Variants in WASHC2C observed in about 807,000 individuals in gnomAD.
WASHC2C encodes Vaccinia Penetration Factor.
WASHC2C carries 73 observed loss-of-function variants against 142.2 expected under a neutral mutation model. The ratio of observed to expected loss-of-function variants is 0.51; its 90% CI spans 0.43 to 0.62. WASHC2C has a LOEUF of 0.62. Among genes scored for constraint, WASHC2C ranks in the 20% least tolerant of loss-of-function variants. The pLI, the probability that WASHC2C is intolerant of heterozygous loss-of-function variation, is 0.00. For missense variants in WASHC2C, 969 were observed against 1,531.7 expected (o/e 0.63, Z 6.13); for synonymous variants, 337 against 565.5 (o/e 0.60, Z 5.73).
At chr10:45,789,535 A>G in intron 29 of WASHC2C, 44 bp downstream of exon 29, 2 of 1,611,110 alleles carry the variant, frequency 1.2e-6, no homozygotes, top group Non-Finnish European at 8.5e-7. Flanking sequence ...TAAGTTAAGG[A>G]AGGTATCTGA....
chr10:45,730,179 T>C (rs1244971709), intron 3 of WASHC2C, among the ~76,000 whole-genome samples: 1 of 127,588 alleles, frequency 7.8e-6, no homozygotes, highest in East Asian at 2.3e-4. Context: ...ACCCCGTCTC[T>C]ACTAAAAAAA....
intron 19 of WASHC2C, 114 bp from the exon 20 acceptor site, chr10:45,769,335 G>A: frequency 1.4e-6 from 2 of 1,444,034 alleles, no homozygotes; most frequent in East Asian, 2.7e-5. Flanking sequence ...AGCAAGGATG[G>A]TCTTGATCTG....
At chr10:45,731,489 C>T (rs1340915216) in intron 3 of WASHC2C, among the ~76,000 whole-genome samples, 4 of 145,578 alleles carry the variant, frequency 2.7e-5, no homozygotes, top group African/African-American at 5.2e-5. Flanking sequence ...CTCCGCCTCC[C>T]GGGTTCAAGC....
Position 45,741,846 on chromosome 10 carries a change from T to C in WASHC2C, c.529-1544T>C, listed in dbSNP as rs2052100750. ...AGAGTTTCACTCTTGTTGCCCAAGC[T>C]GGAGTGGCGCAATCTCGGCTCACTG... On this transcript the variant is annotated intron_variant, in intron 5 of 30. Coordinates refer to ENST00000623400, the MANE Select transcript of WASHC2C (RefSeq NM_001330074.2). Among the ~76,000 whole-genome samples, 3 of 150,634 alleles carry C rather than the reference T, an allele frequency of 2.0e-5. No homozygotes were observed. In the South Asian group the frequency reaches 6.3e-4, roughly 32 times the overall value.
intron 3 of WASHC2C, among the ~76,000 whole-genome samples, chr10:45,731,040 GTCTTA>G (rs1301615630): frequency 6.7e-6 from 1 of 149,714 alleles, no homozygotes; most frequent in Non-Finnish European, 1.5e-5. Flanking sequence ...ACAGTCTTAG[GTCTTA>G]TCTTTTCTCC....
In WASHC2C at chr10:45,792,289, T is replaced by C. The variant is rs1393481552; in HGVS notation, c.3915T>C (p.Ala1305=). 0.044 allele frequency: 69,356 copies of C among 1,563,400 alleles called. 10,046 individuals are homozygous for C. Among genetic ancestry groups the C allele is most frequent in the African/African-American group, 0.1 (7,541 of 72,496 alleles). The change falls in exon 31 of 31, where the codon GCT becomes GCC. Residue 1305 remains alanine, a synonymous_variant. Transcript: ENST00000623400. ...ACATCTTCTCCACTGGTATCCAGGC[T>C]AAGACAACCAAACCAAAAAGCCGAT... The part of the protein sequence containing the change: ...MDDIFSTGIQ[A]KTTKPKSRSA...
chr10:45,785,045 A>T lies in WASHC2C; in HGVS notation c.2688+144A>T, dbSNP rs1364991619. 4 of 1,576,518 alleles carry T rather than the reference A, an allele frequency of 2.5e-6. No homozygotes were observed. The African/African-American group carries it at 5.4e-5, about 21-fold the overall frequency. On this transcript the variant is annotated intron_variant, in intron 25 of 30. Coordinates refer to ENST00000623400, the MANE Select transcript of WASHC2C (RefSeq NM_001330074.2). ...GAATGGCAAATAACATGCCGAGGGG[A>T]GCGTGTGTGGAGGATGCAATGCTTA...
Position 45,755,093 on chromosome 10 carries a change from C to T in WASHC2C, c.1398C>T (p.Pro466=). Residue 466 remains proline, a synonymous_variant, in exon 15 of 31, where the codon CCC becomes CCT. Transcript: ENST00000623400. ...ATGATGACGACTTTTTCTCGGCACC[C>T]CACAGCAAACCTTCTAAAACACGTA... ...GDDDDDFFSA[P]HSKPSKTRKV... The T allele has an allele frequency of 6.2e-7, 1 of 1,610,030 alleles. No homozygotes were observed. Among genetic ancestry groups the T allele is most frequent in the Non-Finnish European group, 8.5e-7 (1 of 1,179,058 alleles).
rs1394940444 is a variant in WASHC2C, at chr10:45,763,000, T to C, written c.1636-388T>C. Among the ~76,000 whole-genome samples, 18 of 152,288 alleles carry C rather than the reference T, an allele frequency of 1.2e-4. No individual in the cohort carries two copies. The Middle Eastern group carries it at 0.01, about 86-fold the overall frequency. On this transcript the variant is annotated intron_variant, in intron 17 of 30. Coordinates refer to ENST00000623400, the MANE Select transcript of WASHC2C (RefSeq NM_001330074.2). ...TCCATTAATTTGGGAATCTAGCCCC[T>C]GTTTCTTTATTGACCCTGTCTAATC...
chr10:45,786,727 T>C, intron 27 of WASHC2C, 53 bp downstream of exon 27: 2 of 1,611,836 alleles, frequency 1.2e-6, no homozygotes, highest in South Asian at 1.1e-5. Flanking sequence ...CTATAAACTT[T>C]TTTGGGTTTC....
chr10:45,765,940 T>G (rs2055747606), intron 19 of WASHC2C, 130 bp downstream of exon 19: 1 of 1,409,452 alleles, frequency 7.1e-7, no homozygotes, highest in East Asian at 2.3e-5. Context: ...GTTCACAAGA[T>G]TGTCTTTTCT....
chr10:45,737,696 T>G, intron 3 of WASHC2C, among the ~76,000 whole-genome samples: 1 of 152,158 alleles, frequency 6.6e-6, no homozygotes, highest in East Asian at 1.9e-4. Context: ...AACTGATATC[T>G]TACTGTTTTT....
intron 19 of WASHC2C, among the ~76,000 whole-genome samples, chr10:45,768,663 A>G (rs1391634374): frequency 2.0e-5 from 3 of 152,222 alleles, no homozygotes; most frequent in African/African-American, 4.8e-5. Context: ...ACTTGTGGTA[A>G]AAGGATTACT....
At chr10:45,759,767 C>T (rs1200267138) in intron 17 of WASHC2C, among the ~76,000 whole-genome samples, 7 of 151,824 alleles carry the variant, frequency 4.6e-5, no homozygotes, top group African/African-American at 1.5e-4. Context: ...TGCAATGAAC[C>T]GAGATCACAC....
chr10:45,748,537 G>T (rs1231099723), intron 8 of WASHC2C, among the ~76,000 whole-genome samples: 2 of 152,222 alleles, frequency 1.3e-5, no homozygotes, highest in Non-Finnish European at 2.9e-5. Flanking sequence ...TGATCCGCCT[G>T]CCTCAGCTTC....
intron 15 of WASHC2C, 47 bp downstream of exon 15, chr10:45,755,162 T>G (rs368378315): frequency 6.7e-7 from 1 of 1,498,734 alleles, no homozygotes; most frequent in African/African-American, 1.5e-5. Flanking sequence ...AGAAAAAGAA[T>G]GTTGCCTAAA....
intron 3 of WASHC2C, 65 bp downstream of exon 3, chr10:45,729,091 C>T: frequency 6.7e-7 from 1 of 1,487,892 alleles, no homozygotes; most frequent in South Asian, 1.4e-5. Context: ...TTTTAAATAA[C>T]TTACTGTTAG....
intron 26 of WASHC2C, 28 bp downstream of exon 26, chr10:45,785,659 G>A: frequency 1.2e-6 from 2 of 1,612,528 alleles, no homozygotes; most frequent in African/African-American, 1.3e-5. Flanking sequence ...AGGATTTTCA[G>A]CTCTTGTTTG....
At chr10:45,727,133 G>C (rs1188711667), upstream of WASHC2C, 7 of 1,426,906 alleles carry the variant, frequency 4.9e-6, no homozygotes, top group African/African-American at 4.4e-5. Flanking sequence ...TCCAGTCCCA[G>C]TCCACTTCCG....
Sources: allele counts gnomAD v4.1 joint callset (sites outside exome capture counted in the v4.1 genomes callset), GRCh38; gene constraint gnomAD v4.1.1; transcripts MANE v1.5; gene names NCBI Gene and HGNC (gene_info 2026-07-23, HGNC 2026-07-21).